The following PDE1A variants were observed in gnomAD, a reference collection of about 807,000 sequenced individuals.
The protein encoded by PDE1A is dual specificity calcium/calmodulin-dependent 3',5'-cyclic nucleotide phosphodiesterase 1A.
In PDE1A, 35 loss-of-function variants were observed where a neutral mutation model predicts 61.7. That is an observed-to-expected ratio of 0.57 (90% confidence interval 0.43 to 0.75). The LOEUF (loss-of-function observed/expected upper bound fraction) is 0.75. PDE1A is among the 30% of genes least tolerant of loss of function. The pLI is 0.00. For missense variants in PDE1A, 597 were observed against 630.6 expected, an observed-to-expected ratio of 0.95 and a Z score of 0.57; for synonymous variants, 232 against 213.2, an observed-to-expected ratio of 1.09 and a Z score of -0.77.
chr2:182,627,754 C>T, the PDE1A span, among the ~76,000 whole-genome samples: 1 of 151,498 alleles, frequency 6.6e-6, no homozygotes, highest in Admixed American at 6.6e-5. Context: ...ACCAGGCTGG[C>T]CAAACTTGTG....
chr2:182,552,314 C>T, the PDE1A span, among the ~76,000 whole-genome samples: 7 of 152,226 alleles, frequency 4.6e-5, no homozygotes, highest in South Asian at 1.5e-3. Context: ...CCCAAATTTT[C>T]AGCTCTTCCT....
At chr2:182,542,914 A>G in the PDE1A span, among the ~76,000 whole-genome samples, 1 of 152,236 alleles carries the variant, frequency 6.6e-6, no homozygotes, top group Non-Finnish European at 1.5e-5. Flanking sequence ...CTCACAATGC[A>G]ATGATAAAGG....
At chr2:182,469,414 T>G (rs1040691345) in intron 2 of PDE1A, among the ~76,000 whole-genome samples, 1 of 151,924 alleles carries the variant, frequency 6.6e-6, no homozygotes, top group African/African-American at 2.4e-5. Flanking sequence ...ACTTTTCTTC[T>G]CCAGCTTCCT....
intron 6 of PDE1A, 60 bp downstream of exon 6, chr2:182,229,946 A>T (rs73977312): frequency 7.5e-7 from 1 of 1,330,134 alleles, no homozygotes; most frequent in African/African-American, 1.5e-5. Flanking sequence ...AGAAACTTAT[A>T]GGAATGGAAG....
At chr2:182,313,615 T>A (rs1157448134) in intron 1 of PDE1A, among the ~76,000 whole-genome samples, 1 of 152,214 alleles carries the variant, frequency 6.6e-6, no homozygotes, top group African/African-American at 2.4e-5. Context: ...TATTTTCATA[T>A]TTTGCTTTTC....
the PDE1A span, among the ~76,000 whole-genome samples, chr2:182,570,630 G>T: frequency 6.6e-6 from 1 of 152,168 alleles, no homozygotes. Flanking sequence ...ACACAGTAAT[G>T]AAGTCTATTT....
intron 13 of PDE1A, among the ~76,000 whole-genome samples, chr2:182,162,006 C>T (rs1461924913): frequency 6.6e-6 from 1 of 152,034 alleles, no homozygotes; most frequent in Non-Finnish European, 1.5e-5. Context: ...AATTAAAAGG[C>T]TTAAGGAAAT....
chr2:182,520,967 A>G lies in PDE1A; in HGVS notation c.101+1309T>C, dbSNP rs116828884. ...GCTGTAATTTCTAAATCTTCAATGGATCTTAGAAACAGATTTCTAGCTCAT... is the reference window on the plus strand; with the variant it reads ...GCTGTAATTTCTAAATCTTCAATGGGTCTTAGAAACAGATTTCTAGCTCAT... On this transcript the variant is annotated intron_variant, in intron 2 of 14. Coordinates refer to the PDE1A transcript ENST00000410103. Among the ~76,000 whole-genome samples the G allele has an allele frequency of 1.3e-3, 202 of 152,130 alleles. 1 individual carries two copies. The highest frequency in any genetic ancestry group is 4.7e-3 in the African/African-American group (194 of 41,578).
At chr2:182,489,395 A>G (rs140622975) in intron 2 of PDE1A, among the ~76,000 whole-genome samples, 153 of 152,374 alleles carry the variant, frequency 1.0e-3, no homozygotes, top group Non-Finnish European at 1.8e-3. Context: ...GAGAAGTGAC[A>G]TGATCTAGCT....
chr2:182,424,234 G>A (rs1280986057), intron 1 of PDE1A, among the ~76,000 whole-genome samples: 5 of 152,024 alleles, frequency 3.3e-5, no homozygotes, highest in African/African-American at 7.2e-5. Flanking sequence ...CATGAGCCAC[G>A]GCACCCGGCC....
intron 6 of PDE1A, among the ~76,000 whole-genome samples, chr2:182,228,989 T>C (rs775883249): frequency 6.6e-6 from 1 of 152,152 alleles, no homozygotes; most frequent in Non-Finnish European, 1.5e-5. Flanking sequence ...AATTCCCTAG[T>C]CTTACAGAGA....
chr2:182,281,974 T>A (rs1054959993), intron 1 of PDE1A, among the ~76,000 whole-genome samples: 5 of 151,882 alleles, frequency 3.3e-5, no homozygotes, highest in East Asian at 3.9e-4. Flanking sequence ...TTATTATTGA[T>A]CACCCAAATC....
At chr2:182,553,123 C>T in the PDE1A span, among the ~76,000 whole-genome samples, 22 of 152,226 alleles carry the variant, frequency 1.4e-4, no homozygotes, top group African/African-American at 4.6e-4. Flanking sequence ...CCGTGACCCA[C>T]GGCTTCTAAT....
chr2:182,587,897 T>A, the PDE1A span, among the ~76,000 whole-genome samples: 1 of 152,216 alleles, frequency 6.6e-6, no homozygotes, highest in African/African-American at 2.4e-5. Context: ...AGAAGACATT[T>A]AGCATGAGAG....
chr2:182,563,685 G>T, the PDE1A span, among the ~76,000 whole-genome samples: 3 of 152,140 alleles, frequency 2.0e-5, no homozygotes, highest in African/African-American at 7.2e-5. Flanking sequence ...TATTGTGTGG[G>T]AGTCTAAGTC....
At chr2:182,410,898 C>T (rs1574588614) in intron 1 of PDE1A, among the ~76,000 whole-genome samples, 1 of 152,200 alleles carries the variant, frequency 6.6e-6, no homozygotes, top group Admixed American at 6.5e-5. Flanking sequence ...TCTAATATCA[C>T]CATCAGGTTT....
chr2:182,334,879 A>G (rs1697682456), intron 1 of PDE1A, among the ~76,000 whole-genome samples: 1 of 152,184 alleles, frequency 6.6e-6, no homozygotes, highest in Non-Finnish European at 1.5e-5. Context: ...AGAAAACCCC[A>G]TTGTCTCAGC....
At chr2:182,232,127 C>A (rs143098865) in intron 4 of PDE1A, among the ~76,000 whole-genome samples, 1 of 152,054 alleles carries the variant, frequency 6.6e-6, no homozygotes, top group Non-Finnish European at 1.5e-5. Context: ...TAGTAATACT[C>A]GCATTTCATG....
intron 1 of PDE1A, among the ~76,000 whole-genome samples, chr2:182,285,447 G>A (rs10184869): frequency 0.048 from 7,274 of 152,040 alleles, 532 homozygotes; most frequent in African/African-American, 0.17. Flanking sequence ...ACAGAGGGAG[G>A]GAAGGAAGTG....
Sources: allele counts gnomAD v4.1 joint callset (sites outside exome capture counted in the v4.1 genomes callset), GRCh38; gene constraint gnomAD v4.1.1; transcripts MANE v1.5; gene names NCBI Gene and HGNC (gene_info 2026-07-23, HGNC 2026-07-21).